The following LRP1B variants were observed in gnomAD, a reference collection of about 807,000 sequenced individuals.
LRP1B encodes the protein low-density lipoprotein receptor-related protein 1B.
In LRP1B, 217 loss-of-function variants were observed where a neutral mutation model predicts 556.6. That is an observed-to-expected ratio of 0.39 (90% CI 0.35 to 0.44). LRP1B has a LOEUF of 0.44. LRP1B is among the 20% of genes least tolerant of loss of function. The pLI is 1.00. For synonymous variants in LRP1B, 2,047 were observed against 1,865.8 expected (o/e 1.10, Z -2.50); for missense variants, 5,053 against 5,620.8 (o/e 0.90, Z 3.23).
At chr2:140,282,477 G>A (rs1682957535) in intron 84 of LRP1B, among the ~76,000 whole-genome samples, 1 of 151,750 alleles carries the variant, frequency 6.6e-6, no homozygotes, top group Non-Finnish European at 1.5e-5. Flanking sequence ...TTCATATTTA[G>A]TGATTCATAA....
intron 2 of LRP1B, among the ~76,000 whole-genome samples, chr2:141,582,401 AG>A (rs1686981692): frequency 2.0e-5 from 3 of 152,222 alleles, no homozygotes; most frequent in African/African-American, 7.2e-5. Context: ...TTGCTAGGGT[AG>A]CAGTGTGTGT....
chr2:140,599,400 C>T (rs1682566675), intron 42 of LRP1B, among the ~76,000 whole-genome samples: 1 of 151,928 alleles, frequency 6.6e-6, no homozygotes, highest in Admixed American at 6.6e-5. Flanking sequence ...CTATAAATTA[C>T]AATATCATTT....
chr2:141,025,878 G>A (rs545865328), intron 11 of LRP1B, among the ~76,000 whole-genome samples: 35 of 151,938 alleles, frequency 2.3e-4, no homozygotes, highest in African/African-American at 7.3e-4. Flanking sequence ...ATCCTTTTCC[G>A]ATAAAACACT....
intron 14 of LRP1B, among the ~76,000 whole-genome samples, chr2:141,011,138 G>A (rs1051732838): frequency 4.0e-5 from 6 of 149,432 alleles, no homozygotes; most frequent in African/African-American, 1.5e-4. Flanking sequence ...TATTCCATTA[G>A]GCAAAGGAGA....
At chr2:141,698,980 C>T (rs1367026099) in intron 2 of LRP1B, among the ~76,000 whole-genome samples, 1 of 151,844 alleles carries the variant, frequency 6.6e-6, no homozygotes, top group Non-Finnish European at 1.5e-5. Context: ...GATGTGTTAA[C>T]AGAGTTAGCT....
intron 57 of LRP1B, among the ~76,000 whole-genome samples, chr2:140,488,152 G>A (rs965708263): frequency 1.3e-5 from 2 of 151,892 alleles, no homozygotes; most frequent in Admixed American, 6.6e-5. Context: ...AATTGAAAAG[G>A]TAGATCATCT....
intron 3 of LRP1B, among the ~76,000 whole-genome samples, chr2:141,269,934 A>G (rs1461637435): frequency 6.6e-6 from 1 of 152,124 alleles, no homozygotes; most frequent in African/African-American, 2.4e-5. Context: ...GCACATAGAC[A>G]ACAAAAGAAA....
intron 35 of LRP1B, 100 bp downstream of exon 35, chr2:140,769,113 T>A: frequency 9.2e-7 from 1 of 1,085,758 alleles, no homozygotes; most frequent in Non-Finnish European, 1.3e-6. Flanking sequence ...TTATTTCTCA[T>A]CTTGACTATT....
At chr2:141,347,008 A>C (rs1032977385) in intron 3 of LRP1B, among the ~76,000 whole-genome samples, 1 of 152,140 alleles carries the variant, frequency 6.6e-6, no homozygotes, top group Non-Finnish European at 1.5e-5. Flanking sequence ...AAAAATTTTC[A>C]CATCAACATT....
chr2:140,727,377 C>G (rs1012099093), intron 35 of LRP1B, among the ~76,000 whole-genome samples: 10 of 152,130 alleles, frequency 6.6e-5, no homozygotes, highest in Non-Finnish European at 1.5e-4. Flanking sequence ...CCCTGAGGAT[C>G]AATGTCTCCA....
At chr2:140,456,837 A>G (rs1247179567) in intron 61 of LRP1B, among the ~76,000 whole-genome samples, 2 of 152,204 alleles carry the variant, frequency 1.3e-5, no homozygotes, top group Non-Finnish European at 2.9e-5. Flanking sequence ...TACAAAACAA[A>G]AATTTTAGTA....
chr2:141,525,730 T>C (rs1434279087), intron 2 of LRP1B, among the ~76,000 whole-genome samples: 2 of 151,940 alleles, frequency 1.3e-5, no homozygotes, highest in Non-Finnish European at 2.9e-5. Flanking sequence ...ACATACATAA[T>C]ATTGACAAAG....
chr2:141,198,927 T>C (rs1372510760), intron 6 of LRP1B, among the ~76,000 whole-genome samples: 3 of 152,158 alleles, frequency 2.0e-5, no homozygotes, highest in Non-Finnish European at 4.4e-5. Context: ...TCCACTTCTT[T>C]CTATATCTGC....
chr2:141,795,899 T>TATATATATATATATATATATATAA (rs1247641787), intron 2 of LRP1B, among the ~76,000 whole-genome samples: 1 of 77,020 alleles, frequency 1.3e-5, no homozygotes, highest in Non-Finnish European at 2.7e-5. Flanking sequence ...TATATATATA[T>TATATATATATATATATATATATAA]AATCTTTAAG....
At chr2:140,877,296 T>C (rs1693340106) in intron 25 of LRP1B, among the ~76,000 whole-genome samples, 1 of 152,168 alleles carries the variant, frequency 6.6e-6, no homozygotes, top group Non-Finnish European at 1.5e-5. Context: ...TTGTTGTTTC[T>C]CTCCCTTCTT....
At position 141,052,639 on chromosome 2, in the gene LRP1B, T is replaced by A. The variant is rs530725771; in HGVS notation, c.1552+2477A>T. ...AGCAAATGTCTTACGAACTGTGACA[T>A]CGATTTCTAATTATATTAGCAATAC... On this transcript the variant is annotated intron_variant, in intron 10 of 90. Coordinates refer to ENST00000389484, the MANE Select transcript of LRP1B (RefSeq NM_018557.3). 3.3e-5 allele frequency among the ~76,000 whole-genome samples: 5 copies of A among 152,196 alleles called. No individual in the cohort carries two copies. In the South Asian group the frequency reaches 6.2e-4, roughly 19 times the overall value.
At chr2:141,954,792 G>C (rs915566032) in intron 1 of LRP1B, among the ~76,000 whole-genome samples, 4 of 151,966 alleles carry the variant, frequency 2.6e-5, no homozygotes, top group African/African-American at 9.7e-5. Context: ...TTGAGCCTCT[G>C]AGTCTCTCAG....
intron 2 of LRP1B, among the ~76,000 whole-genome samples, chr2:141,622,019 G>A (rs1471652183): frequency 6.6e-6 from 1 of 152,080 alleles, no homozygotes; most frequent in Non-Finnish European, 1.5e-5. Context: ...AGCCTCCCGA[G>A]TAGCTGGGGT....
chr2:140,751,563 AAAT>A (rs1688580382), intron 35 of LRP1B, among the ~76,000 whole-genome samples: 1 of 152,216 alleles, frequency 6.6e-6, no homozygotes, highest in Non-Finnish European at 1.5e-5. Flanking sequence ...ATGTAAAGAA[AAAT>A]AATATTTTAA....
Sources: allele counts gnomAD v4.1 joint callset (sites outside exome capture counted in the v4.1 genomes callset), GRCh38; gene constraint gnomAD v4.1.1; transcripts MANE v1.5; gene names NCBI Gene and HGNC (gene_info 2026-07-23, HGNC 2026-07-21).